Variants in SAMD3 observed in about 807,000 individuals in gnomAD.
The protein encoded by SAMD3 is sterile alpha motif domain containing 3, also known as sterile alpha motif domain-containing protein 3.
SAMD3 carries 63 observed loss-of-function variants against 58.5 expected under a neutral mutation model. That is an observed-to-expected ratio of 1.08 (90% confidence interval 0.88 to 1.33). The LOEUF (loss-of-function observed/expected upper bound fraction) is 1.33, where lower values mean the gene tolerates loss of function less well. SAMD3 is among the 40% of genes most tolerant of loss of function. SAMD3 has a pLI of 0.00. For synonymous variants in SAMD3, 220 were observed against 210.3 expected (o/e 1.05, Z -0.40); for missense variants, 604 against 608.4 (o/e 0.99, Z 0.08).
intron 2 of SAMD3, among the ~76,000 whole-genome samples, chr6:130,308,349 A>AATTCTATTCTATTCTTTCT (rs1775977140): frequency 1.4e-5 from 1 of 69,520 alleles, no homozygotes; most frequent in African/African-American, 7.3e-5. Context: ...AAGTTCATAG[A>AATTCTATTCTATTCTTTCT]ATTCTATTCT....
At chr6:130,349,910 G>T (rs1204593546) in intron 1 of SAMD3, among the ~76,000 whole-genome samples, 12 of 152,146 alleles carry the variant, frequency 7.9e-5, no homozygotes. Context: ...TGCAAGGCTG[G>T]TTCAACATAT....
At chr6:130,339,143 T>C (rs1777189861) in intron 1 of SAMD3, among the ~76,000 whole-genome samples, 1 of 152,056 alleles carries the variant, frequency 6.6e-6, no homozygotes, top group Non-Finnish European at 1.5e-5. Flanking sequence ...ACCTCCCAGG[T>C]TCATGCCATT....
At chr6:130,215,980 T>C in intron 2 of SAMD3, 1 of 612,672 alleles carries the variant, frequency 1.6e-6, no homozygotes, top group Admixed American at 2.9e-5. Flanking sequence ...CTGTTATGAT[T>C]GGTAAGATAA....
chr6:130,246,347 T>A (rs1050114436), intron 2 of SAMD3, among the ~76,000 whole-genome samples: 1 of 152,060 alleles, frequency 6.6e-6, no homozygotes, highest in East Asian at 1.9e-4. Flanking sequence ...AGGAACACAA[T>A]AGTATATCAA....
chr6:130,271,934 T>C (rs1211933164), intron 2 of SAMD3, among the ~76,000 whole-genome samples: 1 of 152,212 alleles, frequency 6.6e-6, no homozygotes, highest in African/African-American at 2.4e-5. Flanking sequence ...GTCCCCATGA[T>C]TCAATTACCT....
At chr6:130,304,766 A>C (rs1775859271) in intron 2 of SAMD3, among the ~76,000 whole-genome samples, 2 of 152,090 alleles carry the variant, frequency 1.3e-5, no homozygotes, top group South Asian at 4.1e-4. Context: ...TATTTAAAAA[A>C]CTATATTGAG....
chr6:130,247,437 A>C (rs975808250), intron 2 of SAMD3, among the ~76,000 whole-genome samples: 5 of 151,864 alleles, frequency 3.3e-5, no homozygotes, highest in Admixed American at 6.6e-5. Flanking sequence ...ACTGCACTGC[A>C]GCCTGGAGGA....
intron 2 of SAMD3, among the ~76,000 whole-genome samples, chr6:130,300,044 G>C (rs1259106300): frequency 6.6e-6 from 1 of 152,082 alleles, no homozygotes; most frequent in Non-Finnish European, 1.5e-5. Flanking sequence ...AGAAGAACTG[G>C]TACTAATCTT....
At chr6:130,157,512 A>G (rs2114599482) in intron 8 of SAMD3, among the ~76,000 whole-genome samples, 1 of 152,284 alleles carries the variant, frequency 6.6e-6, no homozygotes, top group South Asian at 2.1e-4. Flanking sequence ...TATTTTTTGT[A>G]GAGACAGGTC....
chr6:130,269,274 G>A (rs192231646), intron 2 of SAMD3, among the ~76,000 whole-genome samples: 1 of 152,166 alleles, frequency 6.6e-6, no homozygotes, highest in African/African-American at 2.4e-5. Flanking sequence ...TATATTCATG[G>A]GCATATTTCT....
chr6:130,363,477 T>C (rs1427215515), intron 1 of SAMD3, among the ~76,000 whole-genome samples: 1 of 152,232 alleles, frequency 6.6e-6, no homozygotes, highest in Non-Finnish European at 1.5e-5. Context: ...TAATTCTTGA[T>C]TCCAGAGGAA....
chr6:130,317,564 T>C (rs927454447), intron 1 of SAMD3, among the ~76,000 whole-genome samples: 1 of 152,174 alleles, frequency 6.6e-6, no homozygotes, highest in Non-Finnish European at 1.5e-5. Context: ...GAAACTGATA[T>C]TATATTTGGA....
At chr6:130,365,094 T>C in intron 1 of SAMD3, 1 of 829,684 alleles carries the variant, frequency 1.2e-6, no homozygotes, top group Non-Finnish European at 1.5e-6. Flanking sequence ...TATCCGGTAA[T>C]TAGTTTTACA....
At chr6:130,262,855 A>T (rs1043093548) in intron 2 of SAMD3, among the ~76,000 whole-genome samples, 2 of 152,208 alleles carry the variant, frequency 1.3e-5, no homozygotes, top group Middle Eastern at 3.4e-3. Context: ...GTGTGTAGAC[A>T]TTGGCCAAAG....
upstream of SAMD3, among the ~76,000 whole-genome samples, chr6:130,227,689 G>A (rs548279106): frequency 1.8e-4 from 27 of 151,932 alleles, no homozygotes; most frequent in African/African-American, 6.0e-4. Context: ...TTGAGAGGCT[G>A]AGGCAGGAGA....
intron 8 of SAMD3, among the ~76,000 whole-genome samples, chr6:130,166,151 GTCATTCT>G (rs1790720991): frequency 3.9e-5 from 6 of 152,178 alleles, no homozygotes; most frequent in Admixed American, 3.9e-4. Flanking sequence ...AGCCCAGGAT[GTCATTCT>G]GTGAGAGGGC....
rs568526972 is a variant in SAMD3 at position 130,207,223 on chromosome 6, C to T, written c.383+2272G>A. On this transcript the variant is annotated intron_variant, in intron 5 of 11. Coordinates refer to ENST00000439090, the MANE Select transcript of SAMD3 (RefSeq NM_001017373.4). ...GACCTACAGGTATAGAAGGTTGCAT[C>T]CTCATCTGCTGTGTCAAGTAGGCAG... Among the ~76,000 whole-genome samples the T allele has an allele frequency of 2.0e-5, 3 of 151,174 alleles. No homozygotes were observed. In the South Asian group the frequency reaches 6.4e-4, roughly 32 times the overall value.
chr6:130,235,954 T>C (rs1471614908), intron 2 of SAMD3, among the ~76,000 whole-genome samples: 1 of 152,196 alleles, frequency 6.6e-6, no homozygotes, highest in Non-Finnish European at 1.5e-5. Context: ...AGAAAAACAA[T>C]TTAATAGCTA....
chr6:130,287,786 A>G lies in SAMD3; in HGVS notation c.-188+25192T>C, dbSNP rs893993912. Among the ~76,000 whole-genome samples, 57 of 152,292 alleles carry G rather than the reference A, an allele frequency of 3.7e-4. 1 individual carries two copies. The highest frequency in any genetic ancestry group is 1.3e-3 in the African/African-American group (54 of 41,554). On this transcript the variant is annotated intron_variant, in intron 2 of 13. Transcript: ENST00000368134. ...TAGTGAAACCTTGTCTCTACTAAAA[A>G]TACAAAAATTAGCACGGGCATGGTG...
Sources: gnomAD v4.1 joint callset for allele counts (sites outside exome capture counted in the v4.1 genomes callset) on GRCh38, gnomAD v4.1.1 for gene constraint, MANE v1.5 for transcripts, NCBI Gene and HGNC (gene_info 2026-07-23, HGNC 2026-07-21) for gene names.